Variants in PCDHA1 observed in about 807,000 individuals in gnomAD.
PCDHA1 encodes protocadherin alpha 1, also known as protocadherin alpha-1.
PCDHA1 carries 42 observed loss-of-function variants against 61.3 expected under a neutral mutation model. The ratio of observed to expected loss-of-function variants is 0.69; its 90% confidence interval spans 0.54 to 0.89. The LOEUF (loss-of-function observed/expected upper bound fraction) is 0.89, where lower values mean the gene tolerates loss of function less well. Among genes scored for constraint, PCDHA1 ranks in the 40% least tolerant of loss-of-function variants. The probability of loss-of-function intolerance (pLI) is 0.00; values close to 1 mark genes in which losing one functional copy is unlikely to be tolerated. For synonymous variants in PCDHA1, 610 were observed against 553.8 expected (o/e 1.10, Z -1.43); for missense variants, 1,256 against 1,235.3 (o/e 1.02, Z -0.25).
intron 1 of PCDHA1, chr5:140,808,778 C>G (rs781867451): frequency 1.2e-6 from 2 of 1,612,450 alleles, no homozygotes; most frequent in South Asian, 2.2e-5. Flanking sequence ...GCTAGAGCTG[C>G]TGCAGTTTCA....
At chr5:140,867,906 T>C (rs1183238322) in intron 1 of PCDHA1, 1 of 152,148 alleles carries the variant, frequency 6.6e-6, no homozygotes, top group African/African-American at 2.4e-5. Context: ...TTACAGAAGG[T>C]ATAATTAAAA....
At chr5:140,839,410 G>A (rs1776218295) in intron 1 of PCDHA1, among the ~76,000 whole-genome samples, 1 of 151,704 alleles carries the variant, frequency 6.6e-6, no homozygotes, top group South Asian at 2.1e-4. Context: ...TTATTTTTGA[G>A]ACAGGGTCTC....
intron 1 of PCDHA1, among the ~76,000 whole-genome samples, chr5:140,899,649 G>T (rs1405894081): frequency 6.6e-6 from 1 of 152,130 alleles, no homozygotes; most frequent in Non-Finnish European, 1.5e-5. Flanking sequence ...CTCTTATTTG[G>T]TTGTGTCTCT....
intron 1 of PCDHA1, chr5:140,857,341 G>C (rs782659858): frequency 1.3e-6 from 2 of 1,598,438 alleles, no homozygotes; most frequent in Non-Finnish European, 1.7e-6. Context: ...ACGGGGGCTC[G>C]CCTCCGCTGT....
At chr5:140,831,893 T>C (rs1326674462) in intron 1 of PCDHA1, among the ~76,000 whole-genome samples, 2 of 152,204 alleles carry the variant, frequency 1.3e-5, no homozygotes, top group African/African-American at 4.8e-5. Flanking sequence ...TAACTGTGTT[T>C]GCCAAATAGC....
At chr5:140,849,666 C>T (rs2041028520) in intron 1 of PCDHA1, 2 of 1,598,568 alleles carry the variant, frequency 1.3e-6, no homozygotes, top group African/African-American at 1.3e-5. Context: ...CTCCCTGACG[C>T]CCCACGTCCC....
At position 140,842,830 on chromosome 5, in the gene PCDHA1, G is replaced by T. The variant is rs1554139431; in HGVS notation, c.2394+54146G>T. ...TGGAGCGGCGGGTGGGCGAGCGCTC[G>T]CTGTCGAGCTACATTTCGGTGCACA... On this transcript the variant is annotated intron_variant, in intron 1 of 3. Coordinates refer to ENST00000504120, the MANE Select transcript of PCDHA1 (RefSeq NM_018900.4). 1.0e-5 allele frequency: 16 copies of T among 1,593,780 alleles called. 3 individuals are homozygous for T. The South Asian group carries it at 1.8e-4, about 18-fold the overall frequency.
intron 1 of PCDHA1, among the ~76,000 whole-genome samples, chr5:140,886,431 ATTTG>A (rs1272820447): frequency 6.6e-6 from 1 of 152,012 alleles, no homozygotes; most frequent in East Asian, 1.9e-4. Context: ...ATTTCTATTC[ATTTG>A]TTTGTACTAA....
chr5:140,895,905 G>A (rs987746254), intron 1 of PCDHA1, among the ~76,000 whole-genome samples: 4 of 152,076 alleles, frequency 2.6e-5, no homozygotes, highest in Admixed American at 1.3e-4. Context: ...TCCGCGTCCC[G>A]GGCTCAACAA....
intron 1 of PCDHA1, chr5:140,843,699 T>C: frequency 6.3e-7 from 1 of 1,582,804 alleles, no homozygotes; most frequent in Non-Finnish European, 8.7e-7. Flanking sequence ...GATTTAAATG[T>C]TGATCATGGC....
At chr5:140,869,392 G>A in intron 1 of PCDHA1, 1 of 1,614,164 alleles carries the variant, frequency 6.2e-7, no homozygotes, top group Non-Finnish European at 8.5e-7. Context: ...GGAGCTGTGC[G>A]GGCAGAGCGC....
intron 1 of PCDHA1, among the ~76,000 whole-genome samples, chr5:140,889,657 C>T (rs1411654885): frequency 2.0e-5 from 3 of 152,128 alleles, no homozygotes; most frequent in African/African-American, 7.2e-5. Context: ...GAGATGTCCT[C>T]TTCCCAGCCT....
chr5:140,881,376 C>T (rs1487314933), intron 1 of PCDHA1: 2 of 984,636 alleles, frequency 2.0e-6, no homozygotes, highest in South Asian at 4.7e-5. Context: ...GAATTGCAGC[C>T]GGCGGCGGTA....
Position 140,881,345 on chromosome 5 carries a change from T to A in PCDHA1, c.2394+92661T>A, listed in dbSNP as rs2058675594. The A allele has an allele frequency of 4.1e-6, 4 of 985,136 alleles. No individual in the cohort carries two copies. In the African/African-American group the frequency reaches 7.0e-5, roughly 17 times the overall value. The allele number at this position is 985,136 out of a possible 1,614,324, so 61.0% of individuals were successfully genotyped here. A position where few individuals can be genotyped will look rare whatever the true frequency, so the allele number is the denominator to read the frequency against. On this transcript the variant is annotated intron_variant, in intron 1 of 3. Transcript: ENST00000504120. ...ATTTAACCAGGACGCCGATTCGGGC[T>A]ACAATGCGTGGCTTTCGTATGAATT... is the stretch of plus-strand genomic sequence containing the variant.
chr5:140,884,441 GCACCGCCCACCGAGGGC>G (rs782266354), intron 1 of PCDHA1: 1 of 1,613,812 alleles, frequency 6.2e-7, no homozygotes, highest in Non-Finnish European at 8.5e-7. Flanking sequence ...GCGGTGCTCG[GCACCGCCCACCGAGGGC>G]GCGTGCGCGC....
intron 1 of PCDHA1, among the ~76,000 whole-genome samples, chr5:140,794,657 G>A (rs782543454): frequency 7.2e-5 from 11 of 152,162 alleles, no homozygotes; most frequent in Non-Finnish European, 1.6e-4. Flanking sequence ...GTAAAAAAGG[G>A]TAAAAAGGTA....
chr5:141,010,124 G>A lies in PCDHA1; in HGVS notation c.*187G>A. ...GGTTTTGTCGTAAAAGCTTTACTAAGTCTGGTGTTAACTCTTTCTCTCCAC... is the reference window on the plus strand; with the variant it reads ...GGTTTTGTCGTAAAAGCTTTACTAAATCTGGTGTTAACTCTTTCTCTCCAC... On this transcript the variant is annotated 3_prime_UTR_variant, in exon 4 of 4. Coordinates refer to ENST00000504120, the MANE Select transcript of PCDHA1 (RefSeq NM_018900.4). The A allele has an allele frequency of 1.2e-6, 2 of 1,605,172 alleles. No homozygotes were observed. The highest frequency in any genetic ancestry group is 1.7e-6 in the Non-Finnish European group (2 of 1,175,146).
chr5:140,973,923 C>T (rs1157032594), intron 1 of PCDHA1, among the ~76,000 whole-genome samples: 1 of 152,170 alleles, frequency 6.6e-6, no homozygotes, highest in African/African-American at 2.4e-5. Flanking sequence ...TCACCAAACC[C>T]AGAGGTTTAG....
In PCDHA1 at chr5:140,787,416, G is replaced by C. The variant is rs1761369752; in HGVS notation, c.1126G>C (p.Asp376His). The change falls in exon 1 of 4, where the codon GAC (aspartate) becomes CAC (histidine). Residue 376 changes from aspartate (D) to histidine (H), a missense_variant. Coordinates refer to ENST00000504120, the MANE Select transcript of PCDHA1 (RefSeq NM_018900.4). ...CGTCATCGCCCTCATCACCGTGTCT[G>C]ACCGTGACTCAGGTGCCAACGGGCA... ...STVIALITVS[D>H]RDSGANGQVT... is the part of the protein sequence containing the mutation. 6.2e-7 allele frequency: 1 copy of C among 1,614,236 alleles called. No individual in the cohort carries two copies. Among genetic ancestry groups the C allele is most frequent in the Non-Finnish European group, 8.5e-7 (1 of 1,180,046 alleles).
Sources: gnomAD v4.1 joint callset for allele counts (sites outside exome capture counted in the v4.1 genomes callset) on GRCh38, gnomAD v4.1.1 for gene constraint, MANE v1.5 for transcripts, NCBI Gene and HGNC (gene_info 2026-07-23, HGNC 2026-07-21) for gene names.